Variants in MOSMO observed in about 807,000 individuals in gnomAD.
MOSMO encodes modulator of smoothened protein.
In MOSMO, 5 loss-of-function variants were observed where a neutral mutation model predicts 18.4. That is an observed-to-expected ratio of 0.27 (90% CI 0.14 to 0.57). The LOEUF is 0.57. MOSMO is among the 20% of genes least tolerant of loss of function. The pLI is 0.92. For synonymous variants in MOSMO, 82 were observed against 82.3 expected (o/e 1.00, Z 0.02); for missense variants, 138 against 211.8 (o/e 0.65, Z 2.16).
intron 1 of MOSMO, among the ~76,000 whole-genome samples, chr16:22,055,691 G>A (rs920080119): frequency 6.6e-6 from 1 of 152,142 alleles, no homozygotes; most frequent in African/African-American, 2.4e-5. Context: ...TCTCATGAAA[G>A]TAAATTCTTT....
intron 1 of MOSMO, among the ~76,000 whole-genome samples, chr16:22,011,455 TAA>T (rs1293021442): frequency 6.6e-6 from 1 of 152,076 alleles, no homozygotes; most frequent in Non-Finnish European, 1.5e-5. Flanking sequence ...GTCAGCTGGA[TAA>T]AGAGTGAAAA....
At chr16:22,070,212 A>T (rs1301126697) in intron 1 of MOSMO, among the ~76,000 whole-genome samples, 1 of 152,170 alleles carries the variant, frequency 6.6e-6, no homozygotes, top group East Asian at 1.9e-4. Flanking sequence ...TGAAGCACGG[A>T]ATTAGTGAGA....
intron 1 of MOSMO, among the ~76,000 whole-genome samples, chr16:22,045,070 G>A (rs115932352): frequency 0.061 from 9,272 of 151,486 alleles, 905 homozygotes; most frequent in African/African-American, 0.21. Context: ...CTGTAGTCCC[G>A]GCTACTCGTG....
At chr16:22,033,836 T>C (rs1900047676) in intron 1 of MOSMO, among the ~76,000 whole-genome samples, 1 of 151,758 alleles carries the variant, frequency 6.6e-6, no homozygotes, top group African/African-American at 2.4e-5. Context: ...TAAAATAAAA[T>C]AAAAAACATG....
chr16:22,026,137 T>C (rs1027830160), intron 1 of MOSMO, among the ~76,000 whole-genome samples: 2 of 152,074 alleles, frequency 1.3e-5, no homozygotes, highest in African/African-American at 4.8e-5. Flanking sequence ...CCTGGAATAT[T>C]AGCTAGTGTC....
intron 1 of MOSMO, among the ~76,000 whole-genome samples, chr16:22,033,054 C>T (rs899027065): frequency 6.6e-6 from 1 of 152,112 alleles, no homozygotes; most frequent in African/African-American, 2.4e-5. Context: ...TGTCCTTATA[C>T]CAGTGCTACA....
At chr16:22,008,885 G>T (rs1253949221) in intron 1 of MOSMO, among the ~76,000 whole-genome samples, 3 of 152,138 alleles carry the variant, frequency 2.0e-5, no homozygotes, top group African/African-American at 7.2e-5. Context: ...GAGAGCTGGT[G>T]GGCGAGGGGA....
intron 1 of MOSMO, among the ~76,000 whole-genome samples, chr16:22,030,806 G>C (rs1330890804): frequency 6.6e-6 from 1 of 152,160 alleles, no homozygotes; most frequent in African/African-American, 2.4e-5. Context: ...TGGGATTACA[G>C]GCATGAGCCA....
chr16:22,033,059 G>A lies in MOSMO; in HGVS notation c.106+24652G>A, dbSNP rs1441610063. On this transcript the variant is annotated intron_variant, in intron 1 of 2. Coordinates refer to ENST00000542527, the MANE Select transcript of MOSMO (RefSeq NM_001164579.2). ...CATTGATCTATGTCCTTATACCAGT[G>A]CTACATTATCTTGATTACTATAGCT... Among the ~76,000 whole-genome samples, 6 of 152,076 alleles carry A rather than the reference G, an allele frequency of 3.9e-5. 1 individual carries two copies.
At chr16:22,018,793 ACAG>A (rs1025328552) in intron 1 of MOSMO, among the ~76,000 whole-genome samples, 8 of 152,184 alleles carry the variant, frequency 5.3e-5, no homozygotes, top group Admixed American at 6.5e-5. Context: ...TTTGAGCTTA[ACAG>A]ATGATACATT....
intron 1 of MOSMO, among the ~76,000 whole-genome samples, chr16:22,032,417 C>A (rs1900014769): frequency 6.6e-6 from 1 of 152,160 alleles, no homozygotes; most frequent in African/African-American, 2.4e-5. Flanking sequence ...GTCTCGAACT[C>A]CTGGCCTCAA....
chr16:22,016,941 G>A (rs1476023255), intron 1 of MOSMO, among the ~76,000 whole-genome samples: 2 of 152,168 alleles, frequency 1.3e-5, no homozygotes, highest in African/African-American at 4.8e-5. Flanking sequence ...TACAGTTGGA[G>A]TATCAAGTCA....
chr16:22,078,645 G>T (rs1433355552), intron 2 of MOSMO, among the ~76,000 whole-genome samples: 1 of 152,090 alleles, frequency 6.6e-6, no homozygotes, highest in Non-Finnish European at 1.5e-5. Flanking sequence ...TAAATTACTT[G>T]TTTCTTGAGA....
rs1900947767 is a variant in MOSMO, at chr16:22,075,523, C to T, written c.143C>T (p.Thr48Ile). Residue 48 changes from threonine (T) to isoleucine (I), a missense_variant, in exon 2 of 3, where the codon ACA becomes ATA. By Grantham distance (89) the Thr-to-Ile change is moderately conservative. Coordinates refer to ENST00000542527, the MANE Select transcript of MOSMO (RefSeq NM_001164579.2). ...LTVGLVRQCQ[T>I]IHGRDRTCIP... ...GTGGGCCTCGTGCGACAGTGTCAAA[C>T]AATCCATGGACGAGACCGGACGTGC... 3 of 1,537,342 alleles carry T rather than the reference C, an allele frequency of 2.0e-6. No individual in the cohort carries two copies. In the African/African-American group the frequency reaches 4.1e-5, roughly 21 times the overall value.
intron 1 of MOSMO, among the ~76,000 whole-genome samples, chr16:22,072,408 C>T (rs1850154423): frequency 6.6e-6 from 1 of 152,196 alleles, no homozygotes; most frequent in Non-Finnish European, 1.5e-5. Flanking sequence ...CCACTGTTTG[C>T]ATTAGCCCTT....
downstream of MOSMO, chr16:22,092,531 C>T: frequency 6.9e-7 from 1 of 1,438,878 alleles, no homozygotes; most frequent in Non-Finnish European, 9.4e-7. Context: ...GCAGGGCAAG[C>T]TTCGCTGCTG....
chr16:22,047,742 C>T (rs958140165), intron 1 of MOSMO, among the ~76,000 whole-genome samples: 1 of 152,084 alleles, frequency 6.6e-6, no homozygotes. Flanking sequence ...GCAGTTGTGT[C>T]AGGTCCTCTG....
intron 1 of MOSMO, among the ~76,000 whole-genome samples, chr16:22,052,629 A>G (rs1367148167): frequency 6.6e-6 from 1 of 152,236 alleles, no homozygotes; most frequent in African/African-American, 2.4e-5. Flanking sequence ...AGTAGAATAA[A>G]TAAATGTTGA....
chr16:22,076,074 A>C (rs1900961658), intron 2 of MOSMO: 1 of 172,818 alleles, frequency 5.8e-6, no homozygotes, highest in Admixed American at 5.5e-5. Context: ...TAAAAATATA[A>C]ATTAGATGAA....
Sources: allele counts gnomAD v4.1 joint callset (sites outside exome capture counted in the v4.1 genomes callset), GRCh38; gene constraint gnomAD v4.1.1; transcripts MANE v1.5; gene names NCBI Gene and HGNC (gene_info 2026-07-23, HGNC 2026-07-21).